Variants in FGF14 observed in about 807,000 individuals in gnomAD.
FGF14 encodes fibroblast growth factor homologous factor 4.
Under a neutral mutation model 25.5 loss-of-function variants are expected in FGF14, and 5 were observed. The ratio of observed to expected loss-of-function variants is 0.20; its 90% CI spans 0.10 to 0.41. The LOEUF is 0.41. Among genes scored for constraint, FGF14 ranks in the 10% least tolerant of loss-of-function variants. The pLI is 1.00. For synonymous variants in FGF14, 138 were observed against 118.3 expected, an observed-to-expected ratio of 1.17 and a Z score of -1.08; for missense variants, 222 against 320.1, an observed-to-expected ratio of 0.69 and a Z score of 2.34.
chr13:101,959,223 C>T (rs1025454601), intron 1 of FGF14, among the ~76,000 whole-genome samples: 18 of 152,236 alleles, frequency 1.2e-4, no homozygotes, highest in South Asian at 4.2e-4. Flanking sequence ...GGAGCTCCGG[C>T]GGTCATGCTC....
At chr13:102,302,015 T>C (rs1333734434) in intron 1 of FGF14, among the ~76,000 whole-genome samples, 1 of 152,136 alleles carries the variant, frequency 6.6e-6, no homozygotes, top group Non-Finnish European at 1.5e-5. Flanking sequence ...TTTGTCAAAA[T>C]GTCCACACTT....
At chr13:102,329,096 G>A (rs2056554861) in intron 1 of FGF14, among the ~76,000 whole-genome samples, 1 of 152,138 alleles carries the variant, frequency 6.6e-6, no homozygotes, top group African/African-American at 2.4e-5. Context: ...CCTAACTGCT[G>A]AAGTTCTTTC....
intron 3 of FGF14, among the ~76,000 whole-genome samples, chr13:101,745,381 C>T (rs1205313281): frequency 6.6e-6 from 1 of 152,028 alleles, no homozygotes; most frequent in African/African-American, 2.4e-5. Flanking sequence ...ACATACTTTA[C>T]ATTAGGGTTC....
At chr13:102,291,181 C>G (rs9585884) in intron 1 of FGF14, among the ~76,000 whole-genome samples, 7 of 152,002 alleles carry the variant, frequency 4.6e-5, no homozygotes, top group African/African-American at 1.7e-4. Context: ...TTCAGCCACA[C>G]GCTGTTGAAA....
chr13:102,242,300 C>T (rs2051642212), intron 1 of FGF14, among the ~76,000 whole-genome samples: 1 of 152,070 alleles, frequency 6.6e-6, no homozygotes, highest in Non-Finnish European at 1.5e-5. Context: ...AAGAGCCAAG[C>T]CCTGACCATA....
At chr13:102,045,224 A>T (rs1451506600) in intron 1 of FGF14, among the ~76,000 whole-genome samples, 1 of 152,208 alleles carries the variant, frequency 6.6e-6, no homozygotes, top group African/African-American at 2.4e-5. Flanking sequence ...CACATCAGCT[A>T]AATATACATC....
In FGF14 at chr13:101,722,654, T is replaced by TG. The variant is rs144061152; in HGVS notation, c.*176dup. 5.2e-3 allele frequency: 3,965 copies of TG among 768,022 alleles called. 99 individuals are homozygous for TG. The African/African-American group carries it at 0.059, about 11-fold the overall frequency. 47.6% of individuals were successfully genotyped at this position (768,022 alleles called of 1,614,324 possible). A position where few individuals can be genotyped will look rare whatever the true frequency, so the allele number is the denominator to read the frequency against. On this transcript the variant is annotated 3_prime_UTR_variant, in exon 5 of 5. Transcript: ENST00000376143. ...TGGTTATCCAGGTGTCTTCTTGTTG[T>TG]GGGGGGTGCAACAGGTTGAGATTTA...
At chr13:101,945,316 C>G (rs2035733195) in intron 1 of FGF14, among the ~76,000 whole-genome samples, 1 of 151,828 alleles carries the variant, frequency 6.6e-6, no homozygotes, top group Non-Finnish European at 1.5e-5. Context: ...GAAACTCCAT[C>G]CCAAAAAAAT....
intron 3 of FGF14, among the ~76,000 whole-genome samples, chr13:101,771,802 T>C (rs2038790424): frequency 4.6e-5 from 7 of 152,062 alleles, no homozygotes; most frequent in Admixed American, 3.9e-4. Flanking sequence ...CACATTTTAA[T>C]GATTTTTGAA....
At chr13:102,243,893 T>C (rs2051729317) in intron 1 of FGF14, among the ~76,000 whole-genome samples, 1 of 152,016 alleles carries the variant, frequency 6.6e-6, no homozygotes, top group Admixed American at 6.6e-5. Context: ...GGCAACTATG[T>C]TGATGAGAAC....
chr13:101,740,306 T>A (rs1478313756), intron 3 of FGF14, among the ~76,000 whole-genome samples: 1 of 152,176 alleles, frequency 6.6e-6, no homozygotes, highest in Non-Finnish European at 1.5e-5. Context: ...TTAGAAGTTT[T>A]AAGCAGGAAC....
At chr13:102,240,700 G>A (rs2051554054) in intron 1 of FGF14, among the ~76,000 whole-genome samples, 1 of 152,060 alleles carries the variant, frequency 6.6e-6, no homozygotes, top group African/African-American at 2.4e-5. Flanking sequence ...GACTAAAAGA[G>A]TATAATTGGA....
At chr13:102,086,639 T>C (rs1271133962) in intron 1 of FGF14, among the ~76,000 whole-genome samples, 1 of 152,218 alleles carries the variant, frequency 6.6e-6, no homozygotes, top group East Asian at 1.9e-4. Context: ...AAAAACCCGA[T>C]GTTTTTAATC....
At chr13:101,860,744 C>G (rs1438035323) in intron 3 of FGF14, among the ~76,000 whole-genome samples, 1 of 151,960 alleles carries the variant, frequency 6.6e-6, no homozygotes, top group Non-Finnish European at 1.5e-5. Flanking sequence ...GCCTAGCCCT[C>G]AAAATTATGA....
intron 3 of FGF14, among the ~76,000 whole-genome samples, chr13:101,834,563 T>C (rs944338172): frequency 1.3e-5 from 2 of 152,086 alleles, no homozygotes; most frequent in African/African-American, 4.8e-5. Flanking sequence ...ATAAGAAGGC[T>C]GAGTATCATT....
chr13:101,950,757 T>G (rs899081109), intron 1 of FGF14, among the ~76,000 whole-genome samples: 1 of 147,588 alleles, frequency 6.8e-6, no homozygotes, highest in Non-Finnish European at 1.5e-5. Flanking sequence ...TCATGTTTTT[T>G]TTTTTTTTTT....
At chr13:101,989,450 C>T (rs1028613820) in intron 1 of FGF14, among the ~76,000 whole-genome samples, 13 of 151,938 alleles carry the variant, frequency 8.6e-5, no homozygotes, top group African/African-American at 2.7e-4. Context: ...TACATTATAA[C>T]GTGTTTTCTA....
chr13:101,796,249 A>G (rs926048986), intron 3 of FGF14, among the ~76,000 whole-genome samples: 8 of 152,082 alleles, frequency 5.3e-5, no homozygotes, highest in Admixed American at 1.3e-4. Flanking sequence ...TAAATTCTCA[A>G]TGATCACTCT....
chr13:101,780,173 A>T (rs1239714040), intron 3 of FGF14, among the ~76,000 whole-genome samples: 1 of 152,192 alleles, frequency 6.6e-6, no homozygotes, highest in African/African-American at 2.4e-5. Context: ...GGCTAAAATA[A>T]ATAATTATTA....
Sources: allele counts gnomAD v4.1 joint callset (sites outside exome capture counted in the v4.1 genomes callset), GRCh38; gene constraint gnomAD v4.1.1; transcripts MANE v1.5; gene names NCBI Gene and HGNC (gene_info 2026-07-23, HGNC 2026-07-21).